Variants in TMEM232 observed in about 807,000 individuals in gnomAD.
TMEM232 encodes transmembrane protein 232.
In TMEM232, 80 loss-of-function variants were observed where a neutral mutation model predicts 78.8. The observed-to-expected ratio is 1.01, with a 90% CI of 0.85 to 1.22. The LOEUF is 1.22. Ranked by LOEUF, TMEM232 falls within the 50% of genes most tolerant of loss-of-function variation. The probability of loss-of-function intolerance (pLI) is 0.00; values close to 1 mark genes in which losing one functional copy is unlikely to be tolerated. For synonymous variants in TMEM232, 297 were observed against 254.3 expected, an observed-to-expected ratio of 1.17 and a Z score of -1.60; for missense variants, 881 against 742.2, an observed-to-expected ratio of 1.19 and a Z score of -2.17.
chr5:110,719,968 C>G (rs531577392), intron 1 of TMEM232, among the ~76,000 whole-genome samples: 3 of 152,240 alleles, frequency 2.0e-5, no homozygotes, highest in East Asian at 1.9e-4. Context: ...AAGGGCTCTT[C>G]TTACTTGTCC....
intron 1 of TMEM232, among the ~76,000 whole-genome samples, chr5:110,687,167 A>G (rs781266757): frequency 5.9e-5 from 9 of 152,084 alleles, no homozygotes; most frequent in Non-Finnish European, 1.3e-4. Flanking sequence ...GTGCTGCCTC[A>G]CCCATTATCT....
chr5:110,425,041 A>AC, intron 12 of TMEM232, 125 bp from the exon 13 acceptor site: 1 of 752,926 alleles, frequency 1.3e-6, no homozygotes, highest in Non-Finnish European at 2.1e-6. Context: ...AACATAAAGT[A>AC]TTTGTGTAGA....
intron 10 of TMEM232, among the ~76,000 whole-genome samples, chr5:110,591,352 G>T (rs1779503852): frequency 6.6e-6 from 1 of 152,038 alleles, no homozygotes; most frequent in African/African-American, 2.4e-5. Context: ...CAGCTACTTG[G>T]GAGGCTGTGG....
chr5:110,471,881 T>C (rs1762726466), intron 12 of TMEM232, among the ~76,000 whole-genome samples: 1 of 151,780 alleles, frequency 6.6e-6, no homozygotes, highest in Non-Finnish European at 1.5e-5. Context: ...CTCAAAGAAA[T>C]CAAATCAAAG....
chr5:110,568,910 C>T (rs151212713), intron 10 of TMEM232, among the ~76,000 whole-genome samples: 182 of 151,892 alleles, frequency 1.2e-3, no homozygotes, highest in Non-Finnish European at 1.7e-3. Context: ...AAACTACATA[C>T]ACAAAATAAA....
At chr5:110,706,434 C>T (rs1257777504) in intron 1 of TMEM232, among the ~76,000 whole-genome samples, 3 of 151,988 alleles carry the variant, frequency 2.0e-5, no homozygotes, top group Non-Finnish European at 4.4e-5. Flanking sequence ...TTCTATGTTA[C>T]AAATGTTATA....
intron 2 of TMEM232, among the ~76,000 whole-genome samples, chr5:110,663,434 G>C (rs1344914529): frequency 6.6e-6 from 1 of 151,838 alleles, no homozygotes; most frequent in East Asian, 1.9e-4. Flanking sequence ...AAGATATTTA[G>C]TAGCATAGTT....
chr5:110,692,872 C>T (rs1794300326), intron 1 of TMEM232, among the ~76,000 whole-genome samples: 1 of 152,212 alleles, frequency 6.6e-6, no homozygotes, highest in African/African-American at 2.4e-5. Context: ...GGCTCCACCT[C>T]TAGGGGCAGG....
chr5:110,468,034 GC>G (rs1470109772), intron 12 of TMEM232, among the ~76,000 whole-genome samples: 1 of 151,942 alleles, frequency 6.6e-6, no homozygotes, highest in African/African-American at 2.4e-5. Context: ...GGGAATAGGG[GC>G]CCATTCCAAT....
intron 1 of TMEM232, among the ~76,000 whole-genome samples, chr5:110,680,146 C>G (rs994875955): frequency 2.0e-5 from 3 of 152,008 alleles, no homozygotes; most frequent in Admixed American, 6.6e-5. Context: ...CGTCTGTAAT[C>G]CCAGCACTTT....
At chr5:110,688,284 C>T (rs1327979979) in intron 1 of TMEM232, among the ~76,000 whole-genome samples, 3 of 152,172 alleles carry the variant, frequency 2.0e-5, no homozygotes, top group Non-Finnish European at 4.4e-5. Flanking sequence ...CATGCCTGAA[C>T]TTCAAGGCAG....
In TMEM232 at chr5:110,681,848, T is replaced by A. The variant is rs1792790306; in HGVS notation, c.-12-14484A>T. 2.0e-5 allele frequency among the ~76,000 whole-genome samples: 3 copies of A among 152,208 alleles called. No individual in the cohort carries two copies. The South Asian group carries it at 6.2e-4, about 31-fold the overall frequency. On this transcript the variant is annotated intron_variant, in intron 1 of 13. Coordinates refer to ENST00000455884, the MANE Select transcript of TMEM232 (RefSeq NM_001039763.4). The stretch of plus-strand genomic sequence containing the variant: ...CTATTAAAACCTACTGCAGAAATAA[T>A]TCATAACATTTCATTCCTTCTCGGG...
rs189443175 is a variant in TMEM232, at chr5:110,545,174, G to A, written c.1456-16339C>T. On this transcript the variant is annotated intron_variant, in intron 11 of 13. Transcript: ENST00000455884. ...TTGTTTATATTTAATTTTAGAGAAA[G>A]CATGAAATAGTAGAAATATTAGAGC... Among the ~76,000 whole-genome samples, 8 of 152,142 alleles carry A rather than the reference G, an allele frequency of 5.3e-5. 1 individual carries two copies. The highest frequency in any genetic ancestry group is 5.2e-4 in the Admixed American group (8 of 15,278).
At chr5:110,636,593 C>G (rs144211613) in intron 5 of TMEM232, among the ~76,000 whole-genome samples, 74 of 151,824 alleles carry the variant, frequency 4.9e-4, no homozygotes, top group Middle Eastern at 3.4e-3. Flanking sequence ...ATCTGAGAAC[C>G]AAGGTAGATG....
chr5:110,705,070 A>AT (rs1361046662), intron 1 of TMEM232, among the ~76,000 whole-genome samples: 1 of 152,152 alleles, frequency 6.6e-6, no homozygotes, highest in Non-Finnish European at 1.5e-5. Flanking sequence ...GCCTTTTGGC[A>AT]TATCCAAACT....
intron 10 of TMEM232, among the ~76,000 whole-genome samples, chr5:110,585,655 T>C (rs929861038): frequency 2.6e-5 from 4 of 152,138 alleles, no homozygotes; most frequent in African/African-American, 9.7e-5. Context: ...TTCTCACATA[T>C]TCTAAACTGA....
chr5:110,556,357 TC>T (rs201769305), intron 11 of TMEM232, among the ~76,000 whole-genome samples: 5,742 of 149,590 alleles, frequency 0.038, 180 homozygotes, highest in African/African-American at 0.079. Context: ...TCCCTTCCCT[TC>T]CCCTTCCTTC....
At chr5:110,682,677 CA>C (rs1289582547) in intron 1 of TMEM232, among the ~76,000 whole-genome samples, 7 of 152,046 alleles carry the variant, frequency 4.6e-5, no homozygotes, top group Non-Finnish European at 8.8e-5. Flanking sequence ...TATTCTAGTA[CA>C]AAAAATGTAG....
chr5:110,483,784 G>A (rs1764170433), intron 12 of TMEM232, among the ~76,000 whole-genome samples: 1 of 151,934 alleles, frequency 6.6e-6, no homozygotes, highest in East Asian at 1.9e-4. Context: ...ACTCCCATTT[G>A]ACCCAGCAAT....
Sources: allele counts gnomAD v4.1 joint callset (sites outside exome capture counted in the v4.1 genomes callset), GRCh38; gene constraint gnomAD v4.1.1; transcripts MANE v1.5; gene names NCBI Gene and HGNC (gene_info 2026-07-23, HGNC 2026-07-21).